MACROD2: variants seen among roughly 807,000 people sequenced by gnomAD.
The protein encoded by MACROD2 is mono-ADP ribosylhydrolase 2, also known as ADP-ribose glycohydrolase MACROD2.
A neutral mutation model predicts 70.4 loss-of-function variants in MACROD2; 36 were observed. The ratio of observed to expected loss-of-function variants is 0.51; its 90% CI spans 0.39 to 0.68. MACROD2 has a LOEUF of 0.68. Among genes scored for constraint, MACROD2 ranks in the 30% least tolerant of loss-of-function variants. The probability of loss-of-function intolerance (pLI) is 0.00; values close to 1 mark genes in which losing one functional copy is unlikely to be tolerated. For synonymous variants in MACROD2, 172 were observed against 178.8 expected, an observed-to-expected ratio of 0.96 and a Z score of 0.30; for missense variants, 496 against 538.4, an observed-to-expected ratio of 0.92 and a Z score of 0.78.
At chr20:14,682,359 C>T (rs559299806) in intron 4 of MACROD2, among the ~76,000 whole-genome samples, 3 of 151,712 alleles carry the variant, frequency 2.0e-5, no homozygotes, top group African/African-American at 4.8e-5. Flanking sequence ...CTCTGTTTCC[C>T]ATCTCATAAT....
chr20:15,032,111 G>A (rs2075279733), intron 5 of MACROD2, among the ~76,000 whole-genome samples: 1 of 152,204 alleles, frequency 6.6e-6, no homozygotes, highest in Admixed American at 6.5e-5. Flanking sequence ...CCACAACTTT[G>A]CTCTGAAATC....
intron 4 of MACROD2, among the ~76,000 whole-genome samples, chr20:14,528,736 C>T (rs138226639): frequency 3.5e-4 from 53 of 152,136 alleles, no homozygotes; most frequent in East Asian, 2.1e-3. Flanking sequence ...GTCCAGAAAA[C>T]GGACATGGAC....
chr20:14,125,945 T>C (rs2054643579), intron 3 of MACROD2, among the ~76,000 whole-genome samples: 1 of 152,140 alleles, frequency 6.6e-6, no homozygotes, highest in African/African-American at 2.4e-5. Flanking sequence ...ATATTCAACA[T>C]CTTGTTTTGT....
rs574786574 is a variant in MACROD2 at position 16,050,837 on chromosome 20, A to T, written c.*961A>T. The T allele has an allele frequency of 6.6e-6, 1 of 152,340 alleles. No individual in the cohort carries two copies. Among genetic ancestry groups the T allele is most frequent in the East Asian group, 1.9e-4 (1 of 5,186 alleles). 9.4% of individuals were successfully genotyped at this position (152,340 alleles called of 1,614,324 possible). ...TCACCCAAGGCTTGACAGCCCACAG[A>T]GTGGTCTCATTTGAAATTACAGGAA... is the stretch of plus-strand genomic sequence containing the variant. On this transcript the variant is annotated 3_prime_UTR_variant, in exon 18 of 18. Transcript: ENST00000684519.
intron 5 of MACROD2, among the ~76,000 whole-genome samples, chr20:15,207,435 G>GTTTTTTTTT (rs1568636954): frequency 1.4e-5 from 1 of 69,422 alleles, no homozygotes; most frequent in Non-Finnish European, 2.8e-5. Context: ...GTTTGTTTCT[G>GTTTTTTTTT]GTTTTTTTTT....
intron 3 of MACROD2, among the ~76,000 whole-genome samples, chr20:14,142,672 C>T (rs1327453258): frequency 6.6e-6 from 1 of 152,050 alleles, no homozygotes; most frequent in East Asian, 1.9e-4. Context: ...CTTGCCACTG[C>T]CTTTAGTACT....
intron 5 of MACROD2, among the ~76,000 whole-genome samples, chr20:15,056,686 A>G (rs761286637): frequency 2.0e-5 from 3 of 152,214 alleles, no homozygotes; most frequent in Non-Finnish European, 4.4e-5. Flanking sequence ...AGACTAAATC[A>G]TGGTTATAGG....
rs552377468 is a variant in MACROD2 at position 14,744,943 on chromosome 20, G to A, written c.418+59984G>A. On this transcript the variant is annotated intron_variant, in intron 5 of 17. Coordinates refer to ENST00000684519, the MANE Select transcript of MACROD2 (RefSeq NM_001351661.2). ...TTGTTTTTTTCAGCCACTAAGTTTTGGGATGATGTGTTTCTCAGCAATAGA... is the reference window on the plus strand; with the variant it reads ...TTGTTTTTTTCAGCCACTAAGTTTTAGGATGATGTGTTTCTCAGCAATAGA... 3.9e-5 allele frequency among the ~76,000 whole-genome samples: 6 copies of A among 152,166 alleles called. No homozygotes were observed. The East Asian group carries it at 9.7e-4, about 24-fold the overall frequency.
At chr20:14,596,263 G>C (rs1473464068) in intron 4 of MACROD2, among the ~76,000 whole-genome samples, 1 of 151,392 alleles carries the variant, frequency 6.6e-6, no homozygotes, top group Non-Finnish European at 1.5e-5. Context: ...CTGATTTTTT[G>C]TATTTTTTAG....
At chr20:15,144,054 G>A (rs757407710) in intron 5 of MACROD2, among the ~76,000 whole-genome samples, 5 of 151,250 alleles carry the variant, frequency 3.3e-5, no homozygotes, top group East Asian at 1.9e-4. Flanking sequence ...GTGGGTCGTG[G>A]GCCGCGGGTT....
At chr20:14,971,468 T>C (rs1041195410) in intron 5 of MACROD2, among the ~76,000 whole-genome samples, 1 of 152,106 alleles carries the variant, frequency 6.6e-6, no homozygotes, top group African/African-American at 2.4e-5. Flanking sequence ...GACTCTGAAT[T>C]ACTTATTCTC....
At chr20:15,510,444 A>G (rs1279475928) in intron 8 of MACROD2, among the ~76,000 whole-genome samples, 1 of 152,146 alleles carries the variant, frequency 6.6e-6, no homozygotes, top group Non-Finnish European at 1.5e-5. Flanking sequence ...TGATACGGTC[A>G]TCTAGCTCAA....
At chr20:14,659,674 A>G (rs1986135350) in intron 4 of MACROD2, among the ~76,000 whole-genome samples, 1 of 152,180 alleles carries the variant, frequency 6.6e-6, no homozygotes, top group Admixed American at 6.5e-5. Flanking sequence ...CCTGGTGAAC[A>G]AATGCTGGGT....
At chr20:14,641,835 A>C (rs1055090669) in intron 4 of MACROD2, among the ~76,000 whole-genome samples, 1 of 152,228 alleles carries the variant, frequency 6.6e-6, no homozygotes, top group African/African-American at 2.4e-5. Context: ...GAGTAGATTT[A>C]ACATAGTTCT....
At chr20:15,325,363 G>A (rs1402090652) in intron 6 of MACROD2, among the ~76,000 whole-genome samples, 2 of 152,126 alleles carry the variant, frequency 1.3e-5, no homozygotes, top group African/African-American at 2.4e-5. Context: ...GCTAAAGCTT[G>A]AAACACATCT....
At chr20:15,165,692 T>A (rs990712641) in intron 5 of MACROD2, among the ~76,000 whole-genome samples, 17 of 152,294 alleles carry the variant, frequency 1.1e-4, no homozygotes, top group Admixed American at 1.1e-3. Context: ...TTTCATAAAA[T>A]CATTCCAAAA....
chr20:15,930,076 A>C (rs1227591743), intron 10 of MACROD2, among the ~76,000 whole-genome samples: 1 of 152,234 alleles, frequency 6.6e-6, no homozygotes, highest in African/African-American at 2.4e-5. Context: ...TTTAGCTTCT[A>C]TGTGGCATTA....
rs1449724130 is a variant in MACROD2 at position 14,049,560 on chromosome 20, G to A, written c.164-36061G>A. On this transcript the variant is annotated intron_variant, in intron 2 of 17. Transcript: ENST00000684519. ...GTTCAAGACCAGCCTGGCCAACGTG[G>A]TGAAACCCTGTCTCTACTAAAAAAA... Among the ~76,000 whole-genome samples, 3 of 150,546 alleles carry A rather than the reference G, an allele frequency of 2.0e-5. No homozygotes were observed. In the East Asian group the frequency reaches 5.9e-4, roughly 29 times the overall value.
Position 15,843,744 on chromosome 20 carries a change from T to C in MACROD2, c.646-19001T>C, listed in dbSNP as rs550975832. 2.5e-3 allele frequency among the ~76,000 whole-genome samples: 381 copies of C among 152,308 alleles called. 6 individuals are homozygous for C. The highest frequency in any genetic ancestry group is 8.9e-3 in the African/African-American group (369 of 41,562). On this transcript the variant is annotated intron_variant, in intron 8 of 17. Coordinates refer to ENST00000684519, the MANE Select transcript of MACROD2 (RefSeq NM_001351661.2). ...TCAAAGCAAAAGTAACAGAGCATTATGTGCATGATCAGAAAGCTGCAACTG... is the reference window on the plus strand; with the variant it reads ...TCAAAGCAAAAGTAACAGAGCATTACGTGCATGATCAGAAAGCTGCAACTG...
Sources: gnomAD v4.1 joint callset for allele counts (sites outside exome capture counted in the v4.1 genomes callset) on GRCh38, gnomAD v4.1.1 for gene constraint, MANE v1.5 for transcripts, NCBI Gene and HGNC (gene_info 2026-07-23, HGNC 2026-07-21) for gene names.